The following CYP4F8 variants were observed in gnomAD, a reference collection of about 807,000 sequenced individuals.
The protein encoded by CYP4F8 is cytochrome P450 family 4 subfamily F member 8, also known as cytochrome P450 4F8.
A neutral mutation model predicts 55.0 loss-of-function variants in CYP4F8; 56 were observed. That is an observed-to-expected ratio of 1.02 (90% CI 0.82 to 1.27). The LOEUF (loss-of-function observed/expected upper bound fraction) is 1.27. Among genes scored for constraint, CYP4F8 ranks in the 50% most tolerant of loss-of-function variants. CYP4F8 has a pLI of 0.00. For synonymous variants in CYP4F8, 288 were observed against 267.3 expected (o/e 1.08, Z -0.76); for missense variants, 680 against 682.4 (o/e 1.00, Z 0.04).
chr19:15,615,736 C>T lies in CYP4F8; in HGVS notation c.120C>T (p.Ala40=). 6.2e-7 allele frequency: 1 copy of T among 1,614,096 alleles called. No homozygotes were observed. Among genetic ancestry groups the T allele is most frequent in the Non-Finnish European group, 8.5e-7 (1 of 1,179,984 alleles). The change falls in exon 2 of 13, where the codon GCC becomes GCT. Residue 40 remains alanine (A), a synonymous_variant. Coordinates refer to ENST00000612078, the MANE Select transcript of CYP4F8 (RefSeq NM_007253.4). ...LLARILAWTY[A]FYHNGRRLRC... is the part of the protein sequence containing the mutation. ...CCCGCATCCTGGCCTGGACCTATGC[C>T]TTCTATCACAACGGCCGCCGCCTCC...
intron 9 of CYP4F8, 69 bp from the exon 10 acceptor site, chr19:15,628,233 T>A: frequency 6.2e-7 from 1 of 1,605,570 alleles, no homozygotes; most frequent in South Asian, 1.1e-5. Flanking sequence ...AGGGAGGTGG[T>A]GAGAGGGTCT....
rs746346701 is a variant in CYP4F8, at chr19:15,622,356, G to A, written c.647+16G>A. 3 of 1,611,038 alleles carry A rather than the reference G, an allele frequency of 1.9e-6. No homozygotes were observed. In the African/African-American group the frequency reaches 4.0e-5, roughly 22 times the overall value. ...ATTGTCAGGAGTGAGTTCTTGCCCA[G>A]GGCCTGGGAACATGGGATGGAGTGG... On this transcript the variant is annotated intron_variant, in intron 6 of 12. Coordinates refer to ENST00000612078, the MANE Select transcript of CYP4F8 (RefSeq NM_007253.4).
chr19:15,617,913 C>T, intron 2 of CYP4F8, 87 bp from the exon 3 acceptor site: 1 of 1,497,130 alleles, frequency 6.7e-7, no homozygotes, highest in Non-Finnish European at 9.0e-7. Flanking sequence ...ACAGACATAC[C>T]CAGAAATAAT....
chr19:15,616,193 C>T, intron 2 of CYP4F8, among the ~76,000 whole-genome samples: 1 of 149,640 alleles, frequency 6.7e-6, no homozygotes. Flanking sequence ...TTCCTCTCCT[C>T]ACTCACTCAT....
intron 9 of CYP4F8, chr19:15,627,582 A>G (rs1972278588): frequency 6.6e-6 from 1 of 152,166 alleles, no homozygotes; most frequent in East Asian, 1.9e-4. Context: ...TATTAATTGC[A>G]TGAAGTATAT....
At chr19:15,622,980 A>T in intron 6 of CYP4F8, 125 bp from the exon 7 acceptor site, 2 of 1,163,536 alleles carry the variant, frequency 1.7e-6, no homozygotes, top group Non-Finnish European at 2.4e-6. Context: ...GGAGGCAGAG[A>T]GTGAAGTGCG....
At chr19:15,622,989 C>A (rs539947605) in intron 6 of CYP4F8, 116 bp from the exon 7 acceptor site, 36 of 1,247,864 alleles carry the variant, frequency 2.9e-5, no homozygotes, top group East Asian at 2.8e-4. Context: ...GAGTGAAGTG[C>A]GCTTGCAGGA....
At chr19:15,622,583 G>A (rs946618582) in intron 6 of CYP4F8, among the ~76,000 whole-genome samples, 84 of 152,226 alleles carry the variant, frequency 5.5e-4, no homozygotes, top group African/African-American at 1.8e-3. Flanking sequence ...GCAACAGGCA[G>A]TTGGGAGACA....
chr19:15,628,279 A>T, intron 9 of CYP4F8, 23 bp from the exon 10 acceptor site: 1 of 1,613,748 alleles, frequency 6.2e-7, no homozygotes, highest in Middle Eastern at 1.7e-4. Context: ...TGCTCTCTGG[A>T]TAATTGTTGG....
At chr19:15,624,166 G>C in intron 9 of CYP4F8, 72 bp downstream of exon 9, 2 of 1,568,424 alleles carry the variant, frequency 1.3e-6, no homozygotes, top group East Asian at 2.3e-5. Context: ...CTCCCCAGGT[G>C]GGGGAAAAGG....
chr19:15,628,737 A>T, intron 11 of CYP4F8, 24 bp from the exon 12 acceptor site: 2 of 1,613,024 alleles, frequency 1.2e-6, no homozygotes, highest in Non-Finnish European at 1.7e-6. Context: ...CCCCATCAGC[A>T]GCCTTAACTT....
rs936909484 is a variant in CYP4F8 at position 15,623,679 on chromosome 19, A to G, written c.919-20A>G. On this transcript the variant is annotated intron_variant, in intron 7 of 12. Transcript: ENST00000612078. ...CTCCAGTGACCCCAGAACTAGTGTG[A>G]TTGGGGTTCTTGTCTCCAGGATAAA... 4 of 1,613,276 alleles carry G rather than the reference A, an allele frequency of 2.5e-6. No individual in the cohort carries two copies. The highest frequency in any genetic ancestry group is 3.4e-6 in the Non-Finnish European group (4 of 1,179,414).
At chr19:15,620,740 CA>C (rs947348222) in intron 5 of CYP4F8, among the ~76,000 whole-genome samples, 4 of 151,902 alleles carry the variant, frequency 2.6e-5, no homozygotes, top group Admixed American at 2.6e-4. Context: ...TTCTATTGGC[CA>C]AAAAAAGTAA....
chr19:15,625,070 T>TA (rs568035850), intron 9 of CYP4F8, among the ~76,000 whole-genome samples: 1 of 151,888 alleles, frequency 6.6e-6, no homozygotes, highest in African/African-American at 2.4e-5. Context: ...TTGTGTTTCT[T>TA]AAAAAAATAT....
intron 1 of CYP4F8, 117 bp downstream of exon 1, chr19:15,615,397 TG>T: frequency 2.1e-6 from 1 of 485,360 alleles, no homozygotes; most frequent in Non-Finnish European, 3.5e-6. Context: ...TCAAGTTGGC[TG>T]GTGGTTCTAG....
intron 3 of CYP4F8, chr19:15,619,084 T>A (rs889901398): frequency 3.6e-5 from 7 of 192,580 alleles, no homozygotes; most frequent in Non-Finnish European, 7.6e-5. Flanking sequence ...GAGAAGCTAT[T>A]GACTGCAACA....
At chr19:15,628,117 A>G in intron 9 of CYP4F8, 185 bp from the exon 10 acceptor site, 1 of 853,304 alleles carries the variant, frequency 1.2e-6, no homozygotes, top group Non-Finnish European at 1.8e-6. Context: ...AATACCTCTA[A>G]AAACACCAGG....
rs554566726 is a variant in CYP4F8 at position 15,617,920 on chromosome 19, T to C, written c.199-80T>C. ...ACACTCTCACAGACATACCCAGAAA[T>C]AATGTTTGACTGGATATCTGGGCAT... On this transcript the variant is annotated intron_variant, in intron 2 of 12. Transcript: ENST00000612078. The C allele has an allele frequency of 8.7e-4, 1,327 of 1,520,236 alleles. 2 individuals are homozygous for C. Among genetic ancestry groups the C allele is most frequent in the Non-Finnish European group, 1.1e-3 (1,255 of 1,123,598 alleles). 94.2% of individuals were successfully genotyped at this position (1,520,236 alleles called of 1,614,324 possible).
intron 2 of CYP4F8, among the ~76,000 whole-genome samples, chr19:15,616,275 C>T (rs570228158): frequency 6.6e-6 from 1 of 151,584 alleles, no homozygotes; most frequent in South Asian, 2.1e-4. Context: ...CCTCTCCTCG[C>T]TCACTCATTC....
Sources: allele counts gnomAD v4.1 joint callset (sites outside exome capture counted in the v4.1 genomes callset), GRCh38; gene constraint gnomAD v4.1.1; transcripts MANE v1.5; gene names NCBI Gene and HGNC (gene_info 2026-07-23, HGNC 2026-07-21).